Variants in EFNA5 observed in about 807,000 individuals in gnomAD.
EFNA5 encodes the protein ephrin-A5.
Under a neutral mutation model 22.9 loss-of-function variants are expected in EFNA5, and 5 were observed. That is an observed-to-expected ratio of 0.22 (90% confidence interval 0.11 to 0.46). The LOEUF is 0.46. EFNA5 is among the 20% of genes least tolerant of loss of function. The pLI is 0.99. For missense variants in EFNA5, 237 were observed against 293.3 expected, an observed-to-expected ratio of 0.81 and a Z score of 1.40; for synonymous variants, 113 against 112.2, an observed-to-expected ratio of 1.01 and a Z score of -0.04.
At chr5:107,487,240 C>A (rs910245985) in intron 1 of EFNA5, among the ~76,000 whole-genome samples, 1 of 152,178 alleles carries the variant, frequency 6.6e-6, no homozygotes, top group Non-Finnish European at 1.5e-5. Flanking sequence ...CTCTTCCCCC[C>A]GGGTGAACAC....
intron 1 of EFNA5, among the ~76,000 whole-genome samples, chr5:107,530,104 G>T (rs908368550): frequency 3.7e-4 from 56 of 152,200 alleles, no homozygotes; most frequent in African/African-American, 1.4e-3. Flanking sequence ...TTATGAAGCA[G>T]TAACGACCAA....
At chr5:107,435,592 A>G (rs184157614) in intron 1 of EFNA5, among the ~76,000 whole-genome samples, 31 of 152,282 alleles carry the variant, frequency 2.0e-4, no homozygotes, top group African/African-American at 7.0e-4. Flanking sequence ...GAGACCTTAT[A>G]TGATGACCAA....
intron 1 of EFNA5, among the ~76,000 whole-genome samples, chr5:107,574,772 T>A (rs554415343): frequency 6.6e-6 from 1 of 152,340 alleles, no homozygotes; most frequent in East Asian, 1.9e-4. Context: ...TTTGAACTAA[T>A]GTTAACTTAA....
intron 1 of EFNA5, among the ~76,000 whole-genome samples, chr5:107,493,336 C>T (rs1400116111): frequency 1.3e-5 from 2 of 151,730 alleles, no homozygotes; most frequent in African/African-American, 4.8e-5. Context: ...GAGTTGTTAT[C>T]TGAAGTGAAT....
At chr5:107,448,978 T>A (rs1177306844) in intron 1 of EFNA5, among the ~76,000 whole-genome samples, 1 of 151,948 alleles carries the variant, frequency 6.6e-6, no homozygotes, top group Non-Finnish European at 1.5e-5. Flanking sequence ...GGGGTGAAGG[T>A]CTGAAAGAGT....
chr5:107,648,315 G>A (rs1295693793), intron 1 of EFNA5, among the ~76,000 whole-genome samples: 1 of 152,138 alleles, frequency 6.6e-6, no homozygotes, highest in Non-Finnish European at 1.5e-5. Flanking sequence ...AAAAGGGTGT[G>A]ACAATGGAGT....
intron 1 of EFNA5, among the ~76,000 whole-genome samples, chr5:107,637,516 GTC>G (rs1336161360): frequency 5.5e-4 from 79 of 142,880 alleles, no homozygotes; most frequent in African/African-American, 9.7e-4. Flanking sequence ...GTGTGTGTGT[GTC>G]TGTGTGTGTG....
intron 1 of EFNA5, among the ~76,000 whole-genome samples, chr5:107,508,168 A>G (rs1747290362): frequency 6.6e-6 from 1 of 152,186 alleles, no homozygotes; most frequent in Non-Finnish European, 1.5e-5. Flanking sequence ...CCACTGAACT[A>G]AACTTGCAGT....
chr5:107,669,210 T>C (rs1751134231), intron 1 of EFNA5, among the ~76,000 whole-genome samples: 1 of 150,496 alleles, frequency 6.6e-6, no homozygotes. Context: ...TAGAAAAAAC[T>C]GGAGGCGCCC....
intron 1 of EFNA5, among the ~76,000 whole-genome samples, chr5:107,434,443 T>A (rs935568325): frequency 1.3e-5 from 2 of 152,194 alleles, no homozygotes; most frequent in Non-Finnish European, 2.9e-5. Flanking sequence ...CTTCTCTGAG[T>A]TCATCTTTAG....
intron 2 of EFNA5, among the ~76,000 whole-genome samples, chr5:107,400,633 A>G (rs1186677469): frequency 6.6e-6 from 1 of 152,270 alleles, no homozygotes; most frequent in Non-Finnish European, 1.5e-5. Context: ...AGTGCTTGGC[A>G]CAAAGGAGGT....
At chr5:107,459,376 G>GGA (rs534856748) in intron 1 of EFNA5, among the ~76,000 whole-genome samples, 36 of 110,176 alleles carry the variant, frequency 3.3e-4, no homozygotes, top group African/African-American at 5.9e-4. Context: ...TGGAACACAT[G>GGA]AAAAAAAAAA....
chr5:107,602,536 A>C (rs1043113398), intron 1 of EFNA5, among the ~76,000 whole-genome samples: 28 of 152,246 alleles, frequency 1.8e-4, no homozygotes, highest in Non-Finnish European at 3.7e-4. Context: ...CGAACATTCA[A>C]GCTAAATGAA....
Position 107,651,315 on chromosome 5 carries a change from G to A in EFNA5, c.125+19174C>T, listed in dbSNP as rs117434282. 9.8e-5 allele frequency among the ~76,000 whole-genome samples: 15 copies of A among 152,290 alleles called. No homozygotes were observed. In the East Asian group the frequency reaches 2.5e-3, roughly 25 times the overall value. Reference sequence around the variant, plus strand: ...ATGATGATTTAGTCTATAAAGGACTGTGCTCAGACACAGTAAGTGCTCAAT... The same window carrying A: ...ATGATGATTTAGTCTATAAAGGACTATGCTCAGACACAGTAAGTGCTCAAT... On this transcript the variant is annotated intron_variant, in intron 1 of 4. Transcript: ENST00000333274.
At chr5:107,584,771 C>G (rs1416161230) in intron 1 of EFNA5, among the ~76,000 whole-genome samples, 1 of 152,110 alleles carries the variant, frequency 6.6e-6, no homozygotes, top group East Asian at 1.9e-4. Context: ...AGTAGGCACT[C>G]AATAAGTGTT....
At chr5:107,651,941 T>C (rs1021661873) in intron 1 of EFNA5, among the ~76,000 whole-genome samples, 8 of 152,154 alleles carry the variant, frequency 5.3e-5, no homozygotes, top group African/African-American at 1.9e-4. Context: ...TGTTAATCCA[T>C]CTGTTACAAA....
chr5:107,583,462 A>C (rs1235334636), intron 1 of EFNA5, among the ~76,000 whole-genome samples: 2 of 152,202 alleles, frequency 1.3e-5, no homozygotes, highest in Admixed American at 1.3e-4. Flanking sequence ...CAGAAATACA[A>C]TGGGCACAAT....
At chr5:107,600,844 C>G (rs927978247) in intron 1 of EFNA5, among the ~76,000 whole-genome samples, 18 of 152,120 alleles carry the variant, frequency 1.2e-4, no homozygotes, top group African/African-American at 4.1e-4. Flanking sequence ...GGTATCCCAT[C>G]TTAAATCTGG....
chr5:107,433,951 A>C (rs1749042165), intron 1 of EFNA5, among the ~76,000 whole-genome samples: 1 of 152,116 alleles, frequency 6.6e-6, no homozygotes, highest in Non-Finnish European at 1.5e-5. Context: ...TGCAAGAAGT[A>C]AGTCATGACT....
Sources: gnomAD v4.1 joint callset for allele counts (sites outside exome capture counted in the v4.1 genomes callset) on GRCh38, gnomAD v4.1.1 for gene constraint, MANE v1.5 for transcripts, NCBI Gene and HGNC (gene_info 2026-07-23, HGNC 2026-07-21) for gene names.